NRP2: variants seen among roughly 807,000 people sequenced by gnomAD.
NRP2 encodes the protein neuropilin-2.
Under a neutral mutation model 110.4 loss-of-function variants are expected in NRP2, and 52 were observed. The ratio of observed to expected loss-of-function variants is 0.47; its 90% CI spans 0.38 to 0.59. The LOEUF (loss-of-function observed/expected upper bound fraction) is 0.59, where lower values mean the gene tolerates loss of function less well. Ranked by LOEUF, NRP2 falls within the 20% of genes least tolerant of loss-of-function variation. NRP2 has a pLI of 0.00. For synonymous variants in NRP2, 508 were observed against 468.9 expected (o/e 1.08, Z -1.08); for missense variants, 1,049 against 1,203.0 (o/e 0.87, Z 1.89).
chr2:205,690,239 G>A (rs2056280486), intron 1 of NRP2, among the ~76,000 whole-genome samples: 1 of 152,122 alleles, frequency 6.6e-6, no homozygotes, highest in African/African-American at 2.4e-5. Flanking sequence ...CTACAGAAAG[G>A]AAAATGAGGA....
At chr2:205,792,834 C>T (rs1233039016) in intron 16 of NRP2, among the ~76,000 whole-genome samples, 1 of 152,130 alleles carries the variant, frequency 6.6e-6, no homozygotes, top group African/African-American at 2.4e-5. Context: ...AACACATATA[C>T]TTCAAGAGGC....
At position 205,693,037 on chromosome 2, in the gene NRP2, G is replaced by A. The variant is rs147604282; in HGVS notation, c.74-4507G>A. Among the ~76,000 whole-genome samples the A allele has an allele frequency of 2.9e-3, 448 of 152,284 alleles. 1 individual carries two copies. Among genetic ancestry groups the A allele is most frequent in the Non-Finnish European group, 5.1e-3 (345 of 68,028 alleles). ...TGCTATTTCTAATAAACTTCCTGGT[G>A]GAGTAAGTGGCAAGGTGACAACCTC... On this transcript the variant is annotated intron_variant, in intron 1 of 16. Coordinates refer to ENST00000357785, the MANE Select transcript of NRP2 (RefSeq NM_003872.3).
At chr2:205,727,781 C>A in intron 6 of NRP2, 110 bp from the exon 7 acceptor site, 2 of 1,085,810 alleles carry the variant, frequency 1.8e-6, no homozygotes, top group Non-Finnish European at 2.6e-6. Context: ...CTCAGTGAAT[C>A]ACAGATACAG....
chr2:205,712,578 A>C (rs547900272), intron 2 of NRP2, among the ~76,000 whole-genome samples: 2 of 152,316 alleles, frequency 1.3e-5, no homozygotes, highest in East Asian at 3.9e-4. Flanking sequence ...ACAACACTGA[A>C]ATTTCTAAGG....
intron 15 of NRP2, 57 bp downstream of exon 15, chr2:205,766,860 A>T: frequency 6.6e-7 from 1 of 1,521,718 alleles, no homozygotes; most frequent in Non-Finnish European, 9.0e-7. Context: ...TCCTTCCCCC[A>T]TGTGATGTGA....
Position 205,743,424 on chromosome 2 carries a change from G to A in NRP2, c.1513G>A (p.Gly505Arg). ...PKTVKGVIIQGARGGDSITAV... is the reference protein window; with the variant it reads ...PKTVKGVIIQRARGGDSITAV... The stretch of plus-strand genomic sequence containing the variant: ...GACAGTGAAAGGTGTCATCATCCAG[G>A]GAGCCCGCGGAGGAGACAGTATCAC... The change falls in exon 9 of 17, where the codon GGA becomes AGA. Residue 505 changes from glycine (G) to arginine (R), a missense_variant. By Grantham distance (125) the Gly-to-Arg change is moderately radical. Transcript: ENST00000357785. The A allele has an allele frequency of 6.2e-7, 1 of 1,614,228 alleles. No individual in the cohort carries two copies. Among genetic ancestry groups the A allele is most frequent in the Admixed American group, 1.7e-5 (1 of 60,032 alleles).
intron 7 of NRP2, 78 bp from the exon 8 acceptor site, chr2:205,740,441 A>G: frequency 6.7e-7 from 1 of 1,499,784 alleles, no homozygotes; most frequent in East Asian, 2.3e-5. Flanking sequence ...GAACTTTCCC[A>G]TCCCCTTCAA....
intron 3 of NRP2, among the ~76,000 whole-genome samples, chr2:205,719,318 C>T (rs1286863107): frequency 6.6e-6 from 1 of 152,138 alleles, no homozygotes; most frequent in Non-Finnish European, 1.5e-5. Context: ...CAGACCAGGG[C>T]ATGTGGCTGG....
At chr2:205,708,259 C>T (rs999833585) in intron 2 of NRP2, among the ~76,000 whole-genome samples, 1 of 152,212 alleles carries the variant, frequency 6.6e-6, no homozygotes, top group Admixed American at 6.5e-5. Flanking sequence ...TTAAACTTCA[C>T]ATTGGCACCG....
intron 15 of NRP2, among the ~76,000 whole-genome samples, chr2:205,782,037 C>T (rs1040647076): frequency 6.0e-5 from 9 of 151,180 alleles, no homozygotes; most frequent in African/African-American, 1.5e-4. Flanking sequence ...CACTGAAGAG[C>T]GACAAGATTT....
At chr2:205,709,920 A>T (rs1170835961) in intron 2 of NRP2, among the ~76,000 whole-genome samples, 2 of 152,164 alleles carry the variant, frequency 1.3e-5, no homozygotes, top group African/African-American at 4.8e-5. Context: ...ACAAAAATTA[A>T]TATGTTATCC....
chr2:205,697,554 C>A lies in NRP2; in HGVS notation c.84C>A (p.Cys28Ter). ...TGATTTCTCTTTCAGACCCACCGTG[C>A]GGAGGTCGTTTGAATTCCAAAGATG... ...HQVRGQPDPP[C>*]GGRLNSKDAG... Residue 28 changes from cysteine to a stop codon, truncating the protein, a stop_gained, in exon 2 of 17, where the codon TGC (cysteine) becomes TGA (stop). Transcript: ENST00000357785. LOFTEE classifies it high-confidence loss of function. 4 of 1,613,818 alleles carry A rather than the reference C, an allele frequency of 2.5e-6. No homozygotes were observed. Among genetic ancestry groups the A allele is most frequent in the South Asian group, 1.1e-5 (1 of 91,054 alleles).
intron 13 of NRP2, among the ~76,000 whole-genome samples, chr2:205,765,218 GACA>G (rs758871575): frequency 1.3e-5 from 2 of 152,036 alleles, no homozygotes. Flanking sequence ...CTAGTTACTG[GACA>G]ACAATATCCA....
At chr2:205,761,745 A>G (rs1026066192) in intron 12 of NRP2, among the ~76,000 whole-genome samples, 3 of 152,220 alleles carry the variant, frequency 2.0e-5, no homozygotes, top group Non-Finnish European at 2.9e-5. Flanking sequence ...TATTGCATGA[A>G]GGTGGAAAAC....
chr2:205,776,135 C>T (rs1284699967), intron 15 of NRP2: 1 of 1,092,214 alleles, frequency 9.2e-7, no homozygotes, highest in East Asian at 2.3e-5. Context: ...CCCCCAGACC[C>T]TTCCCTGTAT....
At chr2:205,748,891 T>G (rs1456140984) in intron 10 of NRP2, among the ~76,000 whole-genome samples, 1 of 152,220 alleles carries the variant, frequency 6.6e-6, no homozygotes, top group East Asian at 1.9e-4. Flanking sequence ...AGCAAATGAA[T>G]AGGTGAATGA....
rs370766732 is a variant in NRP2, at chr2:205,792,315, C to G, written c.2476+30C>G. ...GTACTGTTATGATTTAGCAGGTAAT[C>G]GTAAAATTCAAGTTTGGTTATAAAG... On this transcript the variant is annotated intron_variant, in intron 16 of 16. Transcript: ENST00000357785. 1.9e-6 allele frequency: 3 copies of G among 1,571,070 alleles called. No individual in the cohort carries two copies. The East Asian group carries it at 6.7e-5, about 35-fold the overall frequency.
chr2:205,726,702 C>G (rs964395620), intron 6 of NRP2, among the ~76,000 whole-genome samples: 2 of 152,218 alleles, frequency 1.3e-5, no homozygotes, highest in Non-Finnish European at 2.9e-5. Context: ...TTCTCATCCC[C>G]TGGGAAGAAG....
chr2:205,686,327 G>A lies in NRP2; in HGVS notation c.73+2964G>A, dbSNP rs948983158. Among the ~76,000 whole-genome samples the A allele has an allele frequency of 1.1e-4, 16 of 152,158 alleles. No homozygotes were observed. The highest frequency in any genetic ancestry group is 3.4e-4 in the African/African-American group (14 of 41,438). On this transcript the variant is annotated intron_variant, in intron 1 of 16. Transcript: ENST00000357785. This position sits in a 1 kb window ranked among gnomAD's most constrained non-coding sequence, Gnocchi z 4.7. Reference sequence around the variant, plus strand: ...GGTCTCGGCTGCAGCGCTGGTCTCTGGAGAAGCCTCTGCCTGCAGCCGCCG... The same window carrying A: ...GGTCTCGGCTGCAGCGCTGGTCTCTAGAGAAGCCTCTGCCTGCAGCCGCCG...
Sources: allele counts gnomAD v4.1 joint callset (sites outside exome capture counted in the v4.1 genomes callset), GRCh38; gene constraint gnomAD v4.1.1; non-coding constraint Gnocchi (gnomAD v3.1); transcripts MANE v1.5; gene names NCBI Gene and HGNC (gene_info 2026-07-23, HGNC 2026-07-21).